RIN2: variants seen among roughly 807,000 people sequenced by gnomAD.
The protein encoded by RIN2 is Ras and Rab interactor 2, also known as RAB5 interacting protein 2.
Under a neutral mutation model 78.0 loss-of-function variants are expected in RIN2, and 36 were observed. The observed-to-expected ratio is 0.46, with a 90% CI of 0.35 to 0.61. RIN2 has a LOEUF of 0.61. Among genes scored for constraint, RIN2 ranks in the 20% least tolerant of loss-of-function variants. The pLI, the probability that RIN2 is intolerant of heterozygous loss-of-function variation, is 0.00. For missense variants in RIN2, 1,087 were observed against 1,159.7 expected (o/e 0.94, Z 0.91); for synonymous variants, 466 against 466.8 (o/e 1.00, Z 0.02).
chr20:19,938,020 C>G (rs1268570104), intron 4 of RIN2, among the ~76,000 whole-genome samples: 12 of 152,200 alleles, frequency 7.9e-5, no homozygotes, highest in Admixed American at 7.8e-4. Context: ...GCGTCGTCTG[C>G]CATGGTCCAT....
chr20:19,848,623 T>A (rs2036860686), intron 2 of RIN2, among the ~76,000 whole-genome samples: 1 of 150,840 alleles, frequency 6.6e-6, no homozygotes, highest in African/African-American at 2.4e-5. Context: ...CTGCTCTTAT[T>A]AATCAGTAAC....
chr20:19,948,279 G>A (rs1250540932), intron 4 of RIN2, among the ~76,000 whole-genome samples: 2 of 152,180 alleles, frequency 1.3e-5, no homozygotes, highest in African/African-American at 4.8e-5. Flanking sequence ...TATCTCCATA[G>A]GGGACTTGCC....
intron 7 of RIN2, among the ~76,000 whole-genome samples, chr20:19,970,621 G>A (rs2042074475): frequency 6.6e-6 from 1 of 152,116 alleles, no homozygotes; most frequent in African/African-American, 2.4e-5. Flanking sequence ...AAACTATGCT[G>A]GTTTTTCTCT....
intron 3 of RIN2, among the ~76,000 whole-genome samples, chr20:19,904,909 T>G (rs1451998452): frequency 6.6e-6 from 1 of 152,168 alleles, no homozygotes; most frequent in Non-Finnish European, 1.5e-5. Flanking sequence ...ATCTTGACAT[T>G]GAGTTGCTGT....
intron 3 of RIN2, among the ~76,000 whole-genome samples, chr20:19,904,240 A>ATATATATATATATATATAT (rs1333414799): frequency 1.1e-5 from 1 of 91,694 alleles, no homozygotes; most frequent in East Asian, 3.1e-4. Context: ...TCAAAAAAAA[A>ATATATATATATATATATAT]ATATATATAT....
At chr20:19,781,668 T>C (rs955178581) in intron 1 of RIN2, among the ~76,000 whole-genome samples, 2 of 152,184 alleles carry the variant, frequency 1.3e-5, no homozygotes, top group African/African-American at 4.8e-5. Flanking sequence ...CCTCAAGTGA[T>C]CCACCTGCCT....
intron 9 of RIN2, among the ~76,000 whole-genome samples, chr20:19,987,514 C>T (rs1407629192): frequency 6.6e-6 from 1 of 152,244 alleles, no homozygotes; most frequent in East Asian, 1.9e-4. Context: ...CATTAGTCAT[C>T]TCTGAGCCTC....
intron 2 of RIN2, among the ~76,000 whole-genome samples, chr20:19,837,683 A>G (rs1024953458): frequency 2.0e-5 from 3 of 152,156 alleles, no homozygotes; most frequent in Admixed American, 1.3e-4. Flanking sequence ...ATATGCTGAT[A>G]TACAGATAAC....
In RIN2 at chr20:19,974,780, T is replaced by C. The variant is rs1341766830; in HGVS notation, c.755T>C (p.Ile252Thr). 2 of 1,613,884 alleles carry C rather than the reference T, an allele frequency of 1.2e-6. No homozygotes were observed. The highest frequency in any genetic ancestry group is 1.7e-6 in the Non-Finnish European group (2 of 1,179,898). The stretch of plus-strand genomic sequence containing the variant: ...TGCCTTATAAATGGAGTGCATTCTA[T>C]CAAAACCAGGACGCCTTCAGAGCTG... Reference protein sequence around the residue: ...QLCLINGVHSIKTRTPSELEC... With the variant: ...QLCLINGVHSTKTRTPSELEC... Residue 252 changes from isoleucine (I) to threonine (T), a missense_variant, in exon 9 of 13, where the codon ATC becomes ACC. By Grantham distance (89) the Ile-to-Thr change is moderately conservative. Coordinates refer to ENST00000255006, the MANE Select transcript of RIN2 (RefSeq NM_018993.4).
intron 2 of RIN2, among the ~76,000 whole-genome samples, chr20:19,858,975 G>A (rs1412960258): frequency 3.3e-5 from 5 of 152,220 alleles, no homozygotes; most frequent in Non-Finnish European, 7.3e-5. Flanking sequence ...TCTTAAAGTA[G>A]CTTCAGATTA....
At chr20:19,949,651 A>C (rs773094357) in intron 4 of RIN2, among the ~76,000 whole-genome samples, 1 of 152,204 alleles carries the variant, frequency 6.6e-6, no homozygotes, top group Non-Finnish European at 1.5e-5. Flanking sequence ...TTGCAAGGTC[A>C]AAGTGTACAT....
chr20:19,860,792 C>A (rs1215021856), intron 2 of RIN2, among the ~76,000 whole-genome samples: 3 of 152,194 alleles, frequency 2.0e-5, no homozygotes, highest in African/African-American at 2.4e-5. Flanking sequence ...ATGTCCCTCA[C>A]TGGACTATGA....
intron 2 of RIN2, among the ~76,000 whole-genome samples, chr20:19,846,116 T>G (rs1297273707): frequency 6.6e-6 from 1 of 152,216 alleles, no homozygotes; most frequent in Non-Finnish European, 1.5e-5. Flanking sequence ...TACTGTGCTG[T>G]TTTGGTTACT....
chr20:19,812,253 T>C (rs1275703012), intron 2 of RIN2, among the ~76,000 whole-genome samples: 3 of 152,224 alleles, frequency 2.0e-5, no homozygotes, highest in African/African-American at 4.8e-5. Context: ...TTCTGGGTGA[T>C]GTGTTAAGTT....
chr20:19,836,617 A>G (rs1259992704), intron 2 of RIN2, among the ~76,000 whole-genome samples: 1 of 151,856 alleles, frequency 6.6e-6, no homozygotes, highest in Non-Finnish European at 1.5e-5. Context: ...CTCTCTCTCC[A>G]TTTATCTAAA....
chr20:19,968,744 T>C (rs1258888435), intron 7 of RIN2, among the ~76,000 whole-genome samples: 1 of 152,106 alleles, frequency 6.6e-6, no homozygotes, highest in Non-Finnish European at 1.5e-5. Flanking sequence ...CCCCCAAAAT[T>C]GTCTGAGGAA....
In RIN2 at chr20:19,780,034, T is replaced by C. The variant is rs185423239; in HGVS notation, c.-162-19588T>C. ...TTTATTTCTGATTATAAAGACAATA[T>C]CTACTCATTGTATATGATTTGAACC... On this transcript the variant is annotated intron_variant, in intron 1 of 12. Coordinates refer to ENST00000255006, the MANE Select transcript of RIN2 (RefSeq NM_018993.4). 7.2e-5 allele frequency among the ~76,000 whole-genome samples: 11 copies of C among 152,308 alleles called. No homozygotes were observed. In the East Asian group the frequency reaches 2.1e-3, roughly 29 times the overall value.
chr20:19,935,906 C>G (rs1027579888), intron 4 of RIN2, among the ~76,000 whole-genome samples: 2 of 152,186 alleles, frequency 1.3e-5, no homozygotes, highest in African/African-American at 4.8e-5. Context: ...ACACTTCGTG[C>G]CTTAGAGGCC....
At chr20:19,860,378 GT>G (rs2037296971) in intron 2 of RIN2, among the ~76,000 whole-genome samples, 1 of 152,090 alleles carries the variant, frequency 6.6e-6, no homozygotes, top group Non-Finnish European at 1.5e-5. Context: ...CTGGAGTGCA[GT>G]GGCTCGATGA....
Sources: allele counts gnomAD v4.1 joint callset (sites outside exome capture counted in the v4.1 genomes callset), GRCh38; gene constraint gnomAD v4.1.1; transcripts MANE v1.5; gene names NCBI Gene and HGNC (gene_info 2026-07-23, HGNC 2026-07-21).